KPNB1: variants seen among roughly 807,000 people sequenced by gnomAD.
KPNB1 encodes the protein karyopherin subunit beta 1.
KPNB1 carries 7 observed loss-of-function variants against 113.0 expected under a neutral mutation model. That is an observed-to-expected ratio of 0.06 (90% CI 0.04 to 0.12). The LOEUF (loss-of-function observed/expected upper bound fraction) is 0.12. Among genes scored for constraint, KPNB1 ranks in the 10% least tolerant of loss-of-function variants. The pLI, the probability that KPNB1 is intolerant of heterozygous loss-of-function variation, is 1.00. For synonymous variants in KPNB1, 363 were observed against 378.6 expected, an observed-to-expected ratio of 0.96 and a Z score of 0.48; for missense variants, 400 against 1,054.8, an observed-to-expected ratio of 0.38 and a Z score of 8.60.
intron 5 of KPNB1, among the ~76,000 whole-genome samples, chr17:47,660,410 A>C (rs1179914216): frequency 6.6e-6 from 1 of 152,204 alleles, no homozygotes; most frequent in Non-Finnish European, 1.5e-5. Flanking sequence ...TAATGCTGCT[A>C]TGAACATGGG....
At position 47,652,892 on chromosome 17, in the gene KPNB1, C is replaced by G. The variant is rs1352932179; in HGVS notation, c.282+16C>G. 1 of 1,546,414 alleles carries G rather than the reference C, an allele frequency of 6.5e-7. No individual in the cohort carries two copies. The highest frequency in any genetic ancestry group is 8.7e-7 in the Non-Finnish European group (1 of 1,149,822). ...CAAGAACTATGTGAGTAACGCTTAT[C>G]TGTTTGGTTATATTGCCCAGAGAAC... is the stretch of plus-strand genomic sequence containing the variant. On this transcript the variant is annotated intron_variant, in intron 3 of 21. Transcript: ENST00000290158.
chr17:47,667,065 A>C (rs1435501503), intron 9 of KPNB1, among the ~76,000 whole-genome samples: 1 of 152,212 alleles, frequency 6.6e-6, no homozygotes, highest in Non-Finnish European at 1.5e-5. Context: ...ATTCTAACTT[A>C]AGAGGAGATA....
At chr17:47,661,090 A>G (rs1297249119) in intron 5 of KPNB1, 29 bp from the exon 6 acceptor site, 1 of 1,578,300 alleles carries the variant, frequency 6.3e-7, no homozygotes. Flanking sequence ...ATGCTCTCCT[A>G]ATTCTCTTTA....
chr17:47,655,665 C>T (rs1915697273), intron 3 of KPNB1, among the ~76,000 whole-genome samples: 1 of 152,164 alleles, frequency 6.6e-6, no homozygotes, highest in Admixed American at 6.5e-5. Context: ...CACCTGAATG[C>T]CCCAGAACTA....
Position 47,665,054 on chromosome 17 carries a change from C to T in KPNB1, c.898-3C>T, listed in dbSNP as rs1489373615. The T allele has an allele frequency of 6.2e-7, 1 of 1,613,622 alleles. No individual in the cohort carries two copies. Among genetic ancestry groups the T allele is most frequent in the Non-Finnish European group, 8.5e-7 (1 of 1,179,548 alleles). ...GTCTAGAATTTGCTTTGTTTCTCCTCAGGCAGCAGAACAAGGACGGCCCCC... is the reference window on the plus strand; with the variant it reads ...GTCTAGAATTTGCTTTGTTTCTCCTTAGGCAGCAGAACAAGGACGGCCCCC... On this transcript the variant is annotated splice_polypyrimidine_tract_variant and splice_region_variant and intron_variant, in intron 8 of 21. Transcript: ENST00000290158.
At chr17:47,654,898 C>T (rs1002340517) in intron 3 of KPNB1, among the ~76,000 whole-genome samples, 35 of 152,150 alleles carry the variant, frequency 2.3e-4, no homozygotes, top group African/African-American at 8.2e-4. Context: ...TCCCTCGTGT[C>T]TTTGACATAC....
chr17:47,678,428 C>G lies in KPNB1; in HGVS notation c.2353+15C>G. On this transcript the variant is annotated intron_variant, in intron 19 of 21. Transcript: ENST00000290158. ...GAACGTACACCGTTGAGTATACAAC[C>G]CAGTTCCCTTCGTCCGCTCGCCAAT... 6.3e-7 allele frequency: 1 copy of G among 1,582,988 alleles called. No homozygotes were observed. The highest frequency in any genetic ancestry group is 8.7e-7 in the Non-Finnish European group (1 of 1,151,868).
chr17:47,663,250 G>T (rs2030162044), intron 7 of KPNB1, 72 bp downstream of exon 7: 1 of 825,322 alleles, frequency 1.2e-6, no homozygotes, highest in Non-Finnish European at 2.1e-6. Context: ...TCGCTATTTT[G>T]CCAATTCTGT....
chr17:47,680,734 A>C (rs1277194087), intron 21 of KPNB1, 65 bp downstream of exon 21: 4 of 1,511,646 alleles, frequency 2.6e-6, no homozygotes, highest in Non-Finnish European at 3.6e-6. Context: ...TGTTTTCTTT[A>C]GGCCATTCTG....
At chr17:47,676,068 G>A (rs577356360) in intron 15 of KPNB1, among the ~76,000 whole-genome samples, 17 of 152,282 alleles carry the variant, frequency 1.1e-4, no homozygotes, top group South Asian at 6.2e-4. Context: ...ATCAGATGAG[G>A]AGGTGGACAA....
In KPNB1 at chr17:47,683,715, AAAC is replaced by A. The variant is rs1312501379; in HGVS notation, c.*1314_*1316del. The A allele has an allele frequency of 2.0e-5, 1 of 49,166 alleles. No homozygotes were observed. The highest frequency in any genetic ancestry group is 3.9e-5 in the Non-Finnish European group (1 of 25,784). The allele number at this position is 49,166 out of a possible 1,614,324, so 3.0% of individuals were successfully genotyped here. On this transcript the variant is annotated 3_prime_UTR_variant, in exon 22 of 22. Transcript: ENST00000290158. ...TGCTGCACTTCAAAAGCAACCAACA[AAAC>A]AAAAACAAAAAAAAGTGTGTGTTGT...
intron 13 of KPNB1, 33 bp downstream of exon 13, chr17:47,673,198 G>A (rs1489425254): frequency 6.2e-7 from 1 of 1,606,208 alleles, no homozygotes; most frequent in Non-Finnish European, 8.5e-7. Context: ...ACTATGGGTG[G>A]GAATTGGGTA....
chr17:47,675,286 C>G (rs907297993), intron 15 of KPNB1, among the ~76,000 whole-genome samples: 1 of 150,736 alleles, frequency 6.6e-6, no homozygotes, highest in African/African-American at 2.4e-5. Flanking sequence ...GTGCACACCA[C>G]TTAAATTTGT....
intron 16 of KPNB1, 83 bp downstream of exon 16, chr17:47,676,574 T>G (rs1008298276): frequency 1.6e-5 from 16 of 1,026,822 alleles, no homozygotes; most frequent in Admixed American, 7.8e-5. Flanking sequence ...TTCTTATAGC[T>G]TAAGTAGTTT....
intron 5 of KPNB1, among the ~76,000 whole-genome samples, chr17:47,660,162 T>C (rs2030050798): frequency 6.6e-6 from 1 of 152,196 alleles, no homozygotes; most frequent in Non-Finnish European, 1.5e-5. Context: ...ACTTTCAGTT[T>C]CTATGTATTT....
chr17:47,658,900 A>G (rs1463376817), intron 5 of KPNB1, among the ~76,000 whole-genome samples: 2 of 152,168 alleles, frequency 1.3e-5, no homozygotes, highest in East Asian at 3.8e-4. Context: ...TTTGCAGTCC[A>G]AAGTGTGGAA....
At position 47,650,051 on chromosome 17, in the gene KPNB1, G is replaced by C. The variant is rs1187844722; in HGVS notation, c.-194G>C. ...CCAGCAGCCCATTTGGAGGGAGGAA[G>C]TAAGGGAAGAGGAGAGGAAGGGGAG... On this transcript the variant is annotated 5_prime_UTR_variant, in exon 1 of 22. Transcript: ENST00000290158. The C allele has an allele frequency of 1.1e-5, 15 of 1,367,250 alleles. No homozygotes were observed. The highest frequency in any genetic ancestry group is 1.4e-5 in the Non-Finnish European group (15 of 1,066,204). The allele number at this position is 1,367,250 out of a possible 1,614,324, so 84.7% of individuals were successfully genotyped here.
chr17:47,652,931 C>T, intron 3 of KPNB1, 55 bp downstream of exon 3: 1 of 1,386,676 alleles, frequency 7.2e-7, no homozygotes, highest in Non-Finnish European at 9.7e-7. Context: ...AAATCGCTTT[C>T]TCAGATCTTT....
At chr17:47,677,947 A>C in intron 17 of KPNB1, 99 bp from the exon 18 acceptor site, 1 of 1,236,256 alleles carries the variant, frequency 8.1e-7, no homozygotes, top group Admixed American at 2.0e-5. Flanking sequence ...CCATCCAAAT[A>C]TTTAAAATCA....
Sources: gnomAD v4.1 joint callset for allele counts (sites outside exome capture counted in the v4.1 genomes callset) on GRCh38, gnomAD v4.1.1 for gene constraint, MANE v1.5 for transcripts, NCBI Gene and HGNC (gene_info 2026-07-23, HGNC 2026-07-21) for gene names.